The following CREB3L2 variants were observed in gnomAD, a reference collection of about 807,000 sequenced individuals.
CREB3L2 encodes the protein cAMP responsive element binding protein 3 like 2, also known as cyclic AMP-responsive element-binding protein 3-like protein 2.
CREB3L2 carries 23 observed loss-of-function variants against 57.2 expected under a neutral mutation model. That is an observed-to-expected ratio of 0.40 (90% CI 0.29 to 0.57). The LOEUF (loss-of-function observed/expected upper bound fraction) is 0.57. Among genes scored for constraint, CREB3L2 ranks in the 20% least tolerant of loss-of-function variants. The probability of loss-of-function intolerance (pLI) is 0.42; values close to 1 mark genes in which losing one functional copy is unlikely to be tolerated. For missense variants in CREB3L2, 628 were observed against 634.7 expected, an observed-to-expected ratio of 0.99 and a Z score of 0.11; for synonymous variants, 268 against 265.1, an observed-to-expected ratio of 1.01 and a Z score of -0.11.
rs139719939 is a variant in CREB3L2 at position 137,984,889 on chromosome 7, G to A, written c.102+16715C>T. On this transcript the variant is annotated intron_variant, in intron 1 of 11. Coordinates refer to ENST00000330387, the MANE Select transcript of CREB3L2 (RefSeq NM_194071.4). The stretch of plus-strand genomic sequence containing the variant: ...AAATTGCAAACTCTTCTACAGTAAC[G>A]TAGCCCAGTAGAGAAGAGCCATCAG... 6.9e-4 allele frequency among the ~76,000 whole-genome samples: 105 copies of A among 152,300 alleles called. 1 individual carries two copies. The highest frequency in any genetic ancestry group is 2.3e-3 in the African/African-American group (96 of 41,550).
chr7:137,893,765 A>G (rs1301219494), intron 8 of CREB3L2, among the ~76,000 whole-genome samples: 1 of 152,218 alleles, frequency 6.6e-6, no homozygotes, highest in Non-Finnish European at 1.5e-5. Context: ...AGATTAAGGA[A>G]TTTTATTTCT....
chr7:137,947,539 T>G (rs1801018598), intron 1 of CREB3L2, among the ~76,000 whole-genome samples: 1 of 152,128 alleles, frequency 6.6e-6, no homozygotes, highest in Admixed American at 6.5e-5. Flanking sequence ...ACCTGTGTCT[T>G]GATCCCGCCA....
rs536866819 is a variant in CREB3L2 at position 137,886,531 on chromosome 7, C to T, written c.1044-1029G>A. ...GCTCTGTTTAAGGCAGAGAGGCAAA[C>T]AGCCACCTGCAGCTCAAGCCTGTGG... On this transcript the variant is annotated intron_variant, in intron 8 of 11. Transcript: ENST00000330387. 8.5e-5 allele frequency among the ~76,000 whole-genome samples: 13 copies of T among 152,292 alleles called. No homozygotes were observed. In the South Asian group the frequency reaches 2.7e-3, roughly 32 times the overall value.
intron 1 of CREB3L2, chr7:137,953,564 A>C: frequency 8.1e-7 from 1 of 1,240,248 alleles, no homozygotes; most frequent in Non-Finnish European, 1.1e-6. Context: ...TGGGTGGGTG[A>C]TGACGGTCTC....
chr7:137,979,979 A>G (rs1043434179), intron 1 of CREB3L2, among the ~76,000 whole-genome samples: 1 of 152,216 alleles, frequency 6.6e-6, no homozygotes, highest in African/African-American at 2.4e-5. Flanking sequence ...CATGCGGATG[A>G]TGGGTGAGTC....
intron 1 of CREB3L2, among the ~76,000 whole-genome samples, chr7:137,954,517 A>G (rs1054856949): frequency 1.3e-5 from 2 of 152,196 alleles, no homozygotes; most frequent in Non-Finnish European, 2.9e-5. Context: ...CCACAAAGAA[A>G]TCATCAGGAG....
chr7:137,958,943 G>A (rs1463780902), intron 1 of CREB3L2, among the ~76,000 whole-genome samples: 1 of 152,198 alleles, frequency 6.6e-6, no homozygotes, highest in Non-Finnish European at 1.5e-5. Context: ...AAAAACTTAA[G>A]TAATTCTTTT....
chr7:137,916,872 G>A (rs1457137813), intron 2 of CREB3L2, among the ~76,000 whole-genome samples: 1 of 152,188 alleles, frequency 6.6e-6, no homozygotes, highest in African/African-American at 2.4e-5. Flanking sequence ...AACGGGAGAA[G>A]ATGAGAGAAC....
chr7:137,944,518 C>A (rs554162433), intron 1 of CREB3L2, among the ~76,000 whole-genome samples: 1 of 152,144 alleles, frequency 6.6e-6, no homozygotes, highest in South Asian at 2.1e-4. Context: ...AACATTAGAC[C>A]ATTTGAGTGA....
chr7:137,950,724 G>A (rs563530678), intron 1 of CREB3L2, among the ~76,000 whole-genome samples: 9 of 152,260 alleles, frequency 5.9e-5, no homozygotes, highest in Admixed American at 2.6e-4. Flanking sequence ...TCGTTGTAAG[G>A]TGTAAGCTAG....
rs144036961 is a variant in CREB3L2, at chr7:137,875,333, G to A, written c.*5143C>T. The A allele has an allele frequency of 3.6e-4, 79 of 218,778 alleles. No homozygotes were observed. The East Asian group carries it at 5.1e-3, about 14-fold the overall frequency. The allele number at this position is 218,778 out of a possible 1,614,324, so 13.6% of individuals were successfully genotyped here. On this transcript the variant is annotated 3_prime_UTR_variant, in exon 12 of 12. Transcript: ENST00000330387. ...CACAGTTTTGTCAAAGAGTGCTGGT[G>A]TTCTCTATGAACTCATAAACTGTTT...
chr7:137,877,478 C>T lies in CREB3L2; in HGVS notation c.*2998G>A, dbSNP rs942610802. ...ACTGCAGCCTTTCATTTACAATATC[C>T]CTTTTTAAGTGCAAAGTCGAGGGCT... On this transcript the variant is annotated 3_prime_UTR_variant, in exon 12 of 12. Coordinates refer to ENST00000330387, the MANE Select transcript of CREB3L2 (RefSeq NM_194071.4). 8.9e-6 allele frequency: 2 copies of T among 225,190 alleles called. No individual in the cohort carries two copies. Among genetic ancestry groups the T allele is most frequent in the Admixed American group, 5.7e-5 (1 of 17,492 alleles). 13.9% of individuals were successfully genotyped at this position (225,190 alleles called of 1,614,324 possible).
intron 1 of CREB3L2, among the ~76,000 whole-genome samples, chr7:137,951,422 C>T (rs1221055726): frequency 1.3e-5 from 2 of 152,158 alleles, no homozygotes; most frequent in East Asian, 3.8e-4. Context: ...AGGTTATATA[C>T]TGATTAGTGA....
chr7:137,951,613 G>T (rs1227973754), intron 1 of CREB3L2, among the ~76,000 whole-genome samples: 2 of 152,112 alleles, frequency 1.3e-5, no homozygotes, highest in African/African-American at 4.8e-5. Context: ...GGAATTATTG[G>T]CGAAATGTCT....
chr7:137,920,838 T>C lies in CREB3L2; in HGVS notation c.320-4826A>G, dbSNP rs549162479. Among the ~76,000 whole-genome samples, 5 of 152,374 alleles carry C rather than the reference T, an allele frequency of 3.3e-5. No homozygotes were observed. In the East Asian group the frequency reaches 5.8e-4, roughly 18 times the overall value. Reference sequence around the variant, plus strand: ...AAATGAAAGAAAACAGCTTTCATTCTGAACTACTGGAGGTTGGCTTGTACT... The same window carrying C: ...AAATGAAAGAAAACAGCTTTCATTCCGAACTACTGGAGGTTGGCTTGTACT... On this transcript the variant is annotated intron_variant, in intron 2 of 11. Coordinates refer to ENST00000330387, the MANE Select transcript of CREB3L2 (RefSeq NM_194071.4).
At chr7:137,890,080 C>T (rs936857353) in intron 8 of CREB3L2, among the ~76,000 whole-genome samples, 7 of 152,050 alleles carry the variant, frequency 4.6e-5, no homozygotes, top group Non-Finnish European at 1.5e-5. Flanking sequence ...TTGACACCAG[C>T]CCAACTGAGA....
intron 1 of CREB3L2, among the ~76,000 whole-genome samples, chr7:137,993,626 C>T (rs1017090159): frequency 2.6e-5 from 4 of 152,158 alleles, no homozygotes; most frequent in Admixed American, 2.6e-4. Flanking sequence ...CTCAAGCGAT[C>T]CTCCTGCCTC....
intron 1 of CREB3L2, among the ~76,000 whole-genome samples, chr7:137,979,607 T>G (rs1286816055): frequency 1.3e-5 from 2 of 151,950 alleles, no homozygotes; most frequent in Non-Finnish European, 2.9e-5. Flanking sequence ...GCGCCTGTAG[T>G]CCCAGCTACT....
chr7:137,957,287 C>T (rs954675846), intron 1 of CREB3L2, among the ~76,000 whole-genome samples: 1 of 152,244 alleles, frequency 6.6e-6, no homozygotes, highest in African/African-American at 2.4e-5. Flanking sequence ...CAAGGACTCA[C>T]ACATTTCCTT....
Sources: allele counts gnomAD v4.1 joint callset (sites outside exome capture counted in the v4.1 genomes callset), GRCh38; gene constraint gnomAD v4.1.1; transcripts MANE v1.5; gene names NCBI Gene and HGNC (gene_info 2026-07-23, HGNC 2026-07-21).